FLRT2: variants seen among roughly 807,000 people sequenced by gnomAD.
The protein encoded by FLRT2 is leucine-rich repeat transmembrane protein FLRT2.
In FLRT2, 15 loss-of-function variants were observed where a neutral mutation model predicts 40.0. The observed-to-expected ratio is 0.38, with a 90% CI of 0.25 to 0.58. The LOEUF is 0.58. FLRT2 is among the 20% of genes least tolerant of loss of function. The pLI, the probability that FLRT2 is intolerant of heterozygous loss-of-function variation, is 0.71. For synonymous variants in FLRT2, 380 were observed against 336.8 expected (o/e 1.13, Z -1.41); for missense variants, 726 against 840.0 (o/e 0.86, Z 1.68).
rs1894160409 is a variant in FLRT2, at chr14:85,642,015, GA to G, written c.*18522del. 2 of 148,986 alleles carry G rather than the reference GA, an allele frequency of 1.3e-5. No individual in the cohort carries two copies. Among genetic ancestry groups the G allele is most frequent in the Admixed American group, 1.4e-4 (2 of 14,678 alleles). 9.2% of individuals were successfully genotyped at this position (148,986 alleles called of 1,614,324 possible). A position where few individuals can be genotyped will look rare whatever the true frequency, so the allele number is the denominator to read the frequency against. Reference sequence around the variant, plus strand: ...AGGTAGGCTGAAGCATGTATAGAAAGAAAACAACAAATTCAGAGTTTTAAAT... The same window carrying G: ...AGGTAGGCTGAAGCATGTATAGAAAGAAACAACAAATTCAGAGTTTTAAAT... On this transcript the variant is annotated 3_prime_UTR_variant, in exon 2 of 2. Coordinates refer to ENST00000330753, the MANE Select transcript of FLRT2 (RefSeq NM_013231.6).
At chr14:85,572,238 T>C (rs1890923851) in intron 1 of FLRT2, among the ~76,000 whole-genome samples, 1 of 152,214 alleles carries the variant, frequency 6.6e-6, no homozygotes, top group South Asian at 2.1e-4. Context: ...AGGCCAATCT[T>C]AAGTGGCTTA....
Position 85,649,819 on chromosome 14 carries a change from T to G in FLRT2, c.*26322T>G, listed in dbSNP as rs2139409499. On this transcript the variant is annotated 3_prime_UTR_variant, in exon 2 of 2. Coordinates refer to ENST00000330753, the MANE Select transcript of FLRT2 (RefSeq NM_013231.6). ...AGTGTTTTTGGTAAAGGCAATAAAT[T>G]ATTTTTTAATGTACATCTTATACAC... 6.6e-6 allele frequency: 1 copy of G among 152,206 alleles called. No homozygotes were observed. The highest frequency in any genetic ancestry group is 6.6e-5 in the Admixed American group (1 of 15,254). 9.4% of individuals were successfully genotyped at this position (152,206 alleles called of 1,614,324 possible).
intron 1 of FLRT2, among the ~76,000 whole-genome samples, chr14:85,536,609 C>A (rs569939527): frequency 3.3e-5 from 5 of 150,566 alleles, no homozygotes; most frequent in Non-Finnish European, 5.9e-5. Context: ...CATTAGTGAC[C>A]TCTATCTGTG....
chr14:85,628,612 T>C lies in FLRT2; in HGVS notation c.*5115T>C, dbSNP rs1335416132. The C allele has an allele frequency of 6.6e-6, 1 of 152,198 alleles. No individual in the cohort carries two copies. Among genetic ancestry groups the C allele is most frequent in the Admixed American group, 6.5e-5 (1 of 15,270 alleles). The allele number at this position is 152,198 out of a possible 1,614,324, so 9.4% of individuals were successfully genotyped here. On this transcript the variant is annotated 3_prime_UTR_variant, in exon 2 of 2. Transcript: ENST00000330753. ...TATGATTTTTCAGAACCCCTTTTGC[T>C]AACCCCTCTTGGCCATTTCATTAAT...
At chr14:85,604,846 G>T (rs1049472634) in intron 1 of FLRT2, among the ~76,000 whole-genome samples, 1 of 152,142 alleles carries the variant, frequency 6.6e-6, no homozygotes, top group Non-Finnish European at 1.5e-5. Flanking sequence ...TTGGCAGAGG[G>T]GTGAAGTGGG....
chr14:85,630,156 T>C lies in FLRT2; in HGVS notation c.*6659T>C, dbSNP rs1345113189. ...ATAACATAGATAAAAATGTGTGCTT[T>C]AGGGGATATTATATAAGCTTTATTT... On this transcript the variant is annotated 3_prime_UTR_variant, in exon 2 of 2. Transcript: ENST00000330753. The C allele has an allele frequency of 1.3e-5, 2 of 152,138 alleles. No homozygotes were observed. The highest frequency in any genetic ancestry group is 2.9e-5 in the Non-Finnish European group (2 of 68,026). The allele number at this position is 152,138 out of a possible 1,614,324, so 9.4% of individuals were successfully genotyped here.
rs1291920754 is a variant in FLRT2, at chr14:85,614,413, T to C, written c.-376-6726T>C. On this transcript the variant is annotated intron_variant, in intron 1 of 1. Transcript: ENST00000330753. ...TAAAATTCAGAGAGGTTAAGTCAGG[T>C]GCCCTTTGTCATGCTGTTAGGGAAT... Among the ~76,000 whole-genome samples, 9 of 151,472 alleles carry C rather than the reference T, an allele frequency of 5.9e-5. No homozygotes were observed. In the South Asian group the frequency reaches 1.7e-3, roughly 28 times the overall value.
At chr14:85,543,264 A>AT (rs1468127651) in intron 1 of FLRT2, among the ~76,000 whole-genome samples, 4 of 151,860 alleles carry the variant, frequency 2.6e-5, no homozygotes, top group Non-Finnish European at 4.4e-5. Context: ...AGTTTTTAGA[A>AT]TTTTTTTTCT....
At chr14:85,545,527 A>C (rs1470360639) in intron 1 of FLRT2, among the ~76,000 whole-genome samples, 1 of 152,238 alleles carries the variant, frequency 6.6e-6, no homozygotes. Flanking sequence ...CAGTAGGTAT[A>C]AATGATGAGC....
chr14:85,532,066 G>A (rs917694081), intron 1 of FLRT2, among the ~76,000 whole-genome samples: 1 of 152,252 alleles, frequency 6.6e-6, no homozygotes, highest in Non-Finnish European at 1.5e-5. Flanking sequence ...GGGAAGTGGT[G>A]CCAAGTCACT....
In FLRT2 at chr14:85,651,398, G is replaced by A. The variant is rs961437257; in HGVS notation, c.*27901G>A. On this transcript the variant is annotated 3_prime_UTR_variant, in exon 2 of 2. Coordinates refer to ENST00000330753, the MANE Select transcript of FLRT2 (RefSeq NM_013231.6). ...ATTCTATGCAACTCCATTACATTAA[G>A]CTAATATCGCTTCATTTTATCTCTC... is the stretch of plus-strand genomic sequence containing the variant. 6.6e-6 allele frequency: 1 copy of A among 151,886 alleles called. No individual in the cohort carries two copies. The highest frequency in any genetic ancestry group is 1.5e-5 in the Non-Finnish European group (1 of 67,960). 9.4% of individuals were successfully genotyped at this position (151,886 alleles called of 1,614,324 possible). A position where few individuals can be genotyped will look rare whatever the true frequency, so the allele number is the denominator to read the frequency against.
At chr14:85,600,317 G>A (rs565858646) in intron 1 of FLRT2, among the ~76,000 whole-genome samples, 1 of 152,290 alleles carries the variant, frequency 6.6e-6, no homozygotes, top group East Asian at 1.9e-4. Context: ...GAAATGCAGG[G>A]CTAAATTTCT....
chr14:85,614,901 A>C (rs1893055829), intron 1 of FLRT2, among the ~76,000 whole-genome samples: 1 of 152,230 alleles, frequency 6.6e-6, no homozygotes, highest in South Asian at 2.1e-4. Context: ...TTTGAAATGG[A>C]TTGAAAGTAC....
Position 85,611,957 on chromosome 14 carries a change from T to G in FLRT2, c.-376-9182T>G, listed in dbSNP as rs893663825. ...GTGTGTGTGTGTGTGTGTGTGTGTG[T>G]GTGTGTATTGGGACCACCTTTCAGC... On this transcript the variant is annotated intron_variant, in intron 1 of 1. Transcript: ENST00000330753. Among the ~76,000 whole-genome samples, 9 of 148,280 alleles carry G rather than the reference T, an allele frequency of 6.1e-5. No homozygotes were observed. The South Asian group carries it at 1.7e-3, about 28-fold the overall frequency.
chr14:85,593,967 A>C (rs1420656542), intron 1 of FLRT2, among the ~76,000 whole-genome samples: 1 of 152,064 alleles, frequency 6.6e-6, no homozygotes, highest in Non-Finnish European at 1.5e-5. Flanking sequence ...GCTTGAATCC[A>C]GGAGGCAGAG....
At chr14:85,573,620 A>T (rs72691301) in intron 1 of FLRT2, among the ~76,000 whole-genome samples, 2 of 152,240 alleles carry the variant, frequency 1.3e-5, no homozygotes, top group South Asian at 4.1e-4. Context: ...AAGACACAGG[A>T]TGTGAGGAGG....
chr14:85,649,238 TA>T lies in FLRT2; in HGVS notation c.*25743del, dbSNP rs974297757. ...AAAGCCCCTATGTATTTATTCCGGT[TA>T]ACAATTTTACTTGAGTAGAAATCAC... On this transcript the variant is annotated 3_prime_UTR_variant, in exon 2 of 2. Coordinates refer to ENST00000330753, the MANE Select transcript of FLRT2 (RefSeq NM_013231.6). 5.5e-4 allele frequency: 48 copies of T among 86,906 alleles called. No homozygotes were observed. Among genetic ancestry groups the T allele is most frequent in the African/African-American group, 2.6e-3 (47 of 17,792 alleles). 5.4% of individuals were successfully genotyped at this position (86,906 alleles called of 1,614,324 possible).
intron 1 of FLRT2, among the ~76,000 whole-genome samples, chr14:85,589,691 A>G (rs765170254): frequency 7.2e-5 from 11 of 152,248 alleles, no homozygotes; most frequent in Non-Finnish European, 1.6e-4. Context: ...GCCCATACCA[A>G]TGTCCTGGAG....
At position 85,625,472 on chromosome 14, in the gene FLRT2, T is replaced by C. The variant is rs541765507; in HGVS notation, c.*1975T>C. The C allele has an allele frequency of 2.4e-5, 4 of 167,128 alleles. No homozygotes were observed. Among genetic ancestry groups the C allele is most frequent in the African/African-American group, 7.2e-5 (3 of 41,590 alleles). The allele number at this position is 167,128 out of a possible 1,614,324, so 10.4% of individuals were successfully genotyped here. A position where few individuals can be genotyped will look rare whatever the true frequency, so the allele number is the denominator to read the frequency against. On this transcript the variant is annotated 3_prime_UTR_variant, in exon 2 of 2. Coordinates refer to ENST00000330753, the MANE Select transcript of FLRT2 (RefSeq NM_013231.6). Reference sequence around the variant, plus strand: ...TGTCCCTCAGAATAAGCAGAAAATATAACTGCAGCTGTATGTCGTAGACAC... The same window carrying C: ...TGTCCCTCAGAATAAGCAGAAAATACAACTGCAGCTGTATGTCGTAGACAC...
Sources: allele counts gnomAD v4.1 joint callset (sites outside exome capture counted in the v4.1 genomes callset), GRCh38; gene constraint gnomAD v4.1.1; transcripts MANE v1.5; gene names NCBI Gene and HGNC (gene_info 2026-07-23, HGNC 2026-07-21).